The following DTL variants were observed in gnomAD, a reference collection of about 807,000 sequenced individuals.
DTL encodes the protein denticleless E3 ubiquitin protein ligase adapter, also known as denticleless protein homolog.
DTL carries 46 observed loss-of-function variants against 87.0 expected under a neutral mutation model. The ratio of observed to expected loss-of-function variants is 0.53; its 90% CI spans 0.42 to 0.68. The LOEUF (loss-of-function observed/expected upper bound fraction) is 0.68, where lower values mean the gene tolerates loss of function less well. Ranked by LOEUF, DTL falls within the 30% of genes least tolerant of loss-of-function variation. DTL has a pLI of 0.00. For synonymous variants in DTL, 308 were observed against 311.2 expected (o/e 0.99, Z 0.11); for missense variants, 737 against 869.4 (o/e 0.85, Z 1.91).
At chr1:212,069,777 C>T (rs1342465751) in intron 10 of DTL, among the ~76,000 whole-genome samples, 1 of 152,234 alleles carries the variant, frequency 6.6e-6, no homozygotes, top group East Asian at 1.9e-4. Flanking sequence ...AACTCCTGAC[C>T]TCATGATCCA....
intron 5 of DTL, among the ~76,000 whole-genome samples, chr1:212,055,237 G>A (rs965606671): frequency 6.6e-6 from 1 of 150,508 alleles, no homozygotes; most frequent in African/African-American, 2.5e-5. Flanking sequence ...TTCCTATGCA[G>A]GGACAGAGTA....
chr1:212,072,718 CT>C (rs1336345596), intron 11 of DTL, among the ~76,000 whole-genome samples: 7 of 149,276 alleles, frequency 4.7e-5, no homozygotes, highest in African/African-American at 1.7e-4. Flanking sequence ...GATATGGCTG[CT>C]TTATCAGATT....
rs975188334 is a variant in DTL at position 212,100,780 on chromosome 1, A to G, written c.1790A>G (p.Asp597Gly). 26 of 1,614,044 alleles carry G rather than the reference A, an allele frequency of 1.6e-5. No homozygotes were observed. The highest frequency in any genetic ancestry group is 2.2e-5 in the Non-Finnish European group (26 of 1,180,040). The change falls in exon 14 of 15, where the codon GAC (aspartate) becomes GGC (glycine). Residue 597 changes from aspartate to glycine, a missense_variant. By Grantham distance (94) the Asp-to-Gly change is moderately conservative. Transcript: ENST00000366991. Reference protein sequence around the residue: ...DLCCLAGNQEDLSKDSLGPTK... With the variant: ...DLCCLAGNQEGLSKDSLGPTK... Reference sequence around the variant, plus strand: ...TGCTGCCTTGCTGGTAACCAGGAAGACCTTAGTAAGGACTCTCTAGGTCCT... The same window carrying G: ...TGCTGCCTTGCTGGTAACCAGGAAGGCCTTAGTAAGGACTCTCTAGGTCCT...
chr1:212,070,206 G>A (rs1007531447), intron 10 of DTL, among the ~76,000 whole-genome samples: 5 of 152,174 alleles, frequency 3.3e-5, no homozygotes, highest in African/African-American at 1.2e-4. Context: ...CTTGAGTTTA[G>A]TGTCCTGCTG....
chr1:212,060,261 A>G (rs1028712785), intron 5 of DTL, among the ~76,000 whole-genome samples: 14 of 152,174 alleles, frequency 9.2e-5, no homozygotes, highest in Non-Finnish European at 2.1e-4. Context: ...CTAAAACAGC[A>G]TGGCATAAAA....
intron 5 of DTL, among the ~76,000 whole-genome samples, chr1:212,049,068 G>T (rs558254389): frequency 6.6e-6 from 1 of 152,076 alleles, no homozygotes; most frequent in Non-Finnish European, 1.5e-5. Flanking sequence ...GATTACAGGC[G>T]TGTACCACCA....
chr1:212,063,379 G>T (rs768104713), intron 6 of DTL, among the ~76,000 whole-genome samples: 1 of 149,430 alleles, frequency 6.7e-6, no homozygotes, highest in Non-Finnish European at 1.5e-5. Flanking sequence ...CTCCCCACCC[G>T]CTGGGTTCCA....
chr1:212,046,546 G>C (rs951763541), intron 3 of DTL, among the ~76,000 whole-genome samples: 1 of 152,106 alleles, frequency 6.6e-6, no homozygotes, highest in African/African-American at 2.4e-5. Context: ...ACGGTGTTTG[G>C]TTTTCTGTTT....
chr1:212,100,836 A>G lies in DTL; in HGVS notation c.1846A>G (p.Thr616Ala). 6.2e-7 allele frequency: 1 copy of G among 1,614,158 alleles called. No homozygotes were observed. The highest frequency in any genetic ancestry group is 8.5e-7 in the Non-Finnish European group (1 of 1,180,024). Residue 616 changes from threonine to alanine, a missense_variant, in exon 14 of 15, where the codon ACC (threonine) becomes GCC (alanine). Thr to Ala is a moderately conservative substitution (Grantham distance 58, BLOSUM62 0). Coordinates refer to ENST00000366991, the MANE Select transcript of DTL (RefSeq NM_016448.4). ...ATCAAGCAAAATTGAAGGAGCTGGTACCAGTATCTCAGAGCCTCCGTCTCC... is the reference window on the plus strand; with the variant it reads ...ATCAAGCAAAATTGAAGGAGCTGGTGCCAGTATCTCAGAGCCTCCGTCTCC... Reference protein sequence around the residue: ...TKSSKIEGAGTSISEPPSPIS... With the variant: ...TKSSKIEGAGASISEPPSPIS...
intron 3 of DTL, among the ~76,000 whole-genome samples, chr1:212,046,287 A>G (rs1290228285): frequency 6.6e-6 from 1 of 151,038 alleles, no homozygotes; most frequent in Non-Finnish European, 1.5e-5. Flanking sequence ...GTGCATCTTT[A>G]TTTTTATTAT....
chr1:212,072,096 G>C lies in DTL; in HGVS notation c.923-5G>C. 6.2e-7 allele frequency: 1 copy of C among 1,611,252 alleles called. No individual in the cohort carries two copies. Among genetic ancestry groups the C allele is most frequent in the African/African-American group, 1.3e-5 (1 of 74,864 alleles). On this transcript the variant is annotated splice_region_variant and splice_polypyrimidine_tract_variant and intron_variant, in intron 10 of 14. Coordinates refer to ENST00000366991, the MANE Select transcript of DTL (RefSeq NM_016448.4). ...CCAAGTAATTTGGTTTTTTTCCTCT[G>C]GCAGTGGCTATTTTCAATGGACACC...
chr1:212,039,146 C>T (rs1159957587), intron 1 of DTL, among the ~76,000 whole-genome samples: 2 of 152,144 alleles, frequency 1.3e-5, no homozygotes, highest in Non-Finnish European at 1.5e-5. Flanking sequence ...TGTCATAAGC[C>T]TCCAAGTATT....
At chr1:212,093,185 G>T (rs992909543) in intron 13 of DTL, among the ~76,000 whole-genome samples, 1 of 152,160 alleles carries the variant, frequency 6.6e-6, no homozygotes, top group South Asian at 2.1e-4. Flanking sequence ...CTTCTTCAAT[G>T]CCCCGGTGCT....
At chr1:212,054,905 A>G (rs796560231) in intron 5 of DTL, among the ~76,000 whole-genome samples, 9 of 152,322 alleles carry the variant, frequency 5.9e-5, no homozygotes, top group African/African-American at 2.2e-4. Context: ...AAAAGGGGAA[A>G]AATGAACCCG....
chr1:212,099,387 C>G (rs957408211), intron 13 of DTL: 1 of 152,324 alleles, frequency 6.6e-6, no homozygotes, highest in African/African-American at 2.4e-5. Flanking sequence ...GTGCACACCA[C>G]CATGCCTGGC....
At chr1:212,081,875 T>C (rs979115334) in intron 13 of DTL, among the ~76,000 whole-genome samples, 2 of 152,302 alleles carry the variant, frequency 1.3e-5, no homozygotes, top group East Asian at 1.9e-4. Flanking sequence ...TTGTTTGATA[T>C]GATTATTAAA....
rs762734785 is a variant in DTL, at chr1:212,035,956, CCAACCGCTGCTCGGAGCTGGCGG to C, written c.52+15_52+37del. 5 of 1,613,462 alleles carry C rather than the reference CCAACCGCTGCTCGGAGCTGGCGG, an allele frequency of 3.1e-6. No homozygotes were observed. In the East Asian group the frequency reaches 1.1e-4, roughly 36 times the overall value. On this transcript the variant is annotated intron_variant, in intron 1 of 14. Transcript: ENST00000366991. ...TCCTGAGAAATGGTGAGTAACGGTC[CCAACCGCTGCTCGGAGCTGGCGG>C]AATTCATTTCCCCCGAAACACACGC...
At chr1:212,067,150 A>G (rs1009658856) in intron 8 of DTL, among the ~76,000 whole-genome samples, 14 of 152,264 alleles carry the variant, frequency 9.2e-5, no homozygotes, top group African/African-American at 3.4e-4. Flanking sequence ...TTGCTATCTT[A>G]GAAAAGAAGC....
intron 11 of DTL, among the ~76,000 whole-genome samples, chr1:212,074,079 A>G (rs1654759545): frequency 1.3e-5 from 2 of 151,966 alleles, no homozygotes; most frequent in Admixed American, 6.6e-5. Context: ...CAACATCACA[A>G]AAAGCATATA....
Sources: gnomAD v4.1 joint callset for allele counts (sites outside exome capture counted in the v4.1 genomes callset) on GRCh38, gnomAD v4.1.1 for gene constraint, MANE v1.5 for transcripts, NCBI Gene and HGNC (gene_info 2026-07-23, HGNC 2026-07-21) for gene names.